The following LAMB1 variants were observed in gnomAD, a reference collection of about 807,000 sequenced individuals.
The protein encoded by LAMB1 is laminin subunit beta 1.
A neutral mutation model predicts 222.3 loss-of-function variants in LAMB1; 121 were observed. The ratio of observed to expected loss-of-function variants is 0.54; its 90% CI spans 0.47 to 0.63. LAMB1 has a LOEUF of 0.63. LAMB1 is among the 30% of genes least tolerant of loss of function. The pLI, the probability that LAMB1 is intolerant of heterozygous loss-of-function variation, is 0.00. For missense variants in LAMB1, 2,172 were observed against 2,240.8 expected (o/e 0.97, Z 0.62); for synonymous variants, 794 against 807.2 (o/e 0.98, Z 0.28).
chr7:107,960,720 G>A (rs964995092), intron 17 of LAMB1, 71 bp from the exon 18 acceptor site: 10 of 1,342,610 alleles, frequency 7.4e-6, no homozygotes, highest in East Asian at 6.9e-5. Context: ...GCAAGCAAAC[G>A]TGTAGAAAAC....
intron 24 of LAMB1, among the ~76,000 whole-genome samples, chr7:107,946,207 ATACTT>A (rs2033112902): frequency 6.6e-6 from 1 of 152,200 alleles, no homozygotes; most frequent in Non-Finnish European, 1.5e-5. Flanking sequence ...AATTTTACTG[ATACTT>A]TACTTAGGCA....
chr7:107,960,357 T>TAG, intron 18 of LAMB1, 88 bp downstream of exon 18: 1 of 913,434 alleles, frequency 1.1e-6, no homozygotes, highest in Non-Finnish European at 1.8e-6. Context: ...AACACAGGGC[T>TAG]AGGGGGTGGG....
chr7:107,958,604 T>C (rs1226881426), intron 20 of LAMB1, among the ~76,000 whole-genome samples: 1 of 152,244 alleles, frequency 6.6e-6, no homozygotes, highest in Admixed American at 6.5e-5. Flanking sequence ...AACAGTACTG[T>C]CTGCATTTCT....
chr7:107,987,852 G>T (rs984600225), intron 5 of LAMB1, among the ~76,000 whole-genome samples: 1 of 152,324 alleles, frequency 6.6e-6, no homozygotes, highest in Non-Finnish European at 1.5e-5. Flanking sequence ...AGTGGGTGGA[G>T]GCGGCTGCAC....
chr7:107,959,855 GA>G, intron 18 of LAMB1, 21 bp from the exon 19 acceptor site: 1 of 1,608,200 alleles, frequency 6.2e-7, no homozygotes, highest in Non-Finnish European at 8.5e-7. Context: ...AGAGAGGCCA[GA>G]ACCCATGACA....
chr7:107,927,844 G>C (rs2116315004), intron 31 of LAMB1, among the ~76,000 whole-genome samples: 1 of 152,288 alleles, frequency 6.6e-6, no homozygotes, highest in East Asian at 1.9e-4. Context: ...TTAACTGACA[G>C]CAATAGAATA....
At chr7:107,966,453 T>C (rs1305896865) in intron 13 of LAMB1, among the ~76,000 whole-genome samples, 1 of 152,048 alleles carries the variant, frequency 6.6e-6, no homozygotes, top group Non-Finnish European at 1.5e-5. Flanking sequence ...TCGTGATCCA[T>C]CTGCTTCGGT....
chr7:107,960,735 A>C, intron 17 of LAMB1, 86 bp from the exon 18 acceptor site: 1 of 1,076,440 alleles, frequency 9.3e-7, no homozygotes. Flanking sequence ...GAAAACCCAA[A>C]TGCTTCTTTG....
chr7:107,986,844 TG>T (rs1159265211), intron 5 of LAMB1, among the ~76,000 whole-genome samples: 1 of 152,248 alleles, frequency 6.6e-6, no homozygotes, highest in Non-Finnish European at 1.5e-5. Flanking sequence ...CAATATGCTA[TG>T]TCAAACACCA....
intron 31 of LAMB1, among the ~76,000 whole-genome samples, chr7:107,928,272 C>G (rs1351275796): frequency 1.3e-5 from 2 of 152,118 alleles, no homozygotes; most frequent in African/African-American, 2.4e-5. Context: ...GATTGTTTAG[C>G]TATAAGTGCT....
chr7:107,986,114 C>G (rs2034072065), intron 6 of LAMB1, 29 bp from the exon 7 acceptor site: 1 of 1,610,216 alleles, frequency 6.2e-7, no homozygotes, highest in Admixed American at 1.7e-5. Flanking sequence ...GTAATTGGTA[C>G]TTCTGCAATA....
intron 5 of LAMB1, among the ~76,000 whole-genome samples, chr7:107,992,709 A>C (rs1391901474): frequency 2.0e-5 from 3 of 152,172 alleles, no homozygotes; most frequent in Admixed American, 6.5e-5. Flanking sequence ...CAGCCTGGCC[A>C]ACATGGTGAA....
Position 107,929,194 on chromosome 7 carries a change from G to A in LAMB1, c.4757C>T (p.Thr1586Ile). 6.2e-7 allele frequency: 1 copy of A among 1,613,902 alleles called. No individual in the cohort carries two copies. Among genetic ancestry groups the A allele is most frequent in the Non-Finnish European group, 8.5e-7 (1 of 1,179,944 alleles). ...CATATCTGCAGTGACTTTAACATCT[G>A]TTGCACTTTTGCTGAGTAAAAAATA... ...EEAKRASKSA[T>I]DVKVTADMVK... The change falls in exon 31 of 34, where the codon ACA (threonine) becomes ATA (isoleucine). Residue 1586 changes from threonine (T) to isoleucine (I), a missense_variant. By Grantham distance (89) the Thr-to-Ile change is moderately conservative. Transcript: ENST00000222399.
Position 107,976,329 on chromosome 7 carries a change from G to C in LAMB1, c.1001-452C>G, listed in dbSNP as rs146243280. On this transcript the variant is annotated intron_variant, in intron 9 of 33. Transcript: ENST00000222399. ...TGCTTCAAGGACCGTGAGGCCTGAA[G>C]GATGGATTCCCTTCTCCGTATTCCC... Among the ~76,000 whole-genome samples, 357 of 152,254 alleles carry C rather than the reference G, an allele frequency of 2.3e-3. 1 individual carries two copies. The highest frequency in any genetic ancestry group is 3.4e-3 in the Middle Eastern group (1 of 294).
At chr7:107,946,073 A>C (rs757931) in intron 24 of LAMB1, among the ~76,000 whole-genome samples, 95,713 of 151,972 alleles carry the variant, frequency 0.63, 32,007 homozygotes, top group East Asian at 0.87. Context: ...TTTTTGTTGG[A>C]AACTTAAATT....
In LAMB1 at chr7:107,961,722, C is replaced by T. The variant is rs148969203; in HGVS notation, c.1858-46G>A. 38 of 1,585,164 alleles carry T rather than the reference C, an allele frequency of 2.4e-5. No individual in the cohort carries two copies. The African/African-American group carries it at 5.1e-4, about 21-fold the overall frequency. On this transcript the variant is annotated intron_variant, in intron 15 of 33. Transcript: ENST00000222399. The stretch of plus-strand genomic sequence containing the variant: ...TGAAAAGATAGTTAGCCCACCACTG[C>T]CTGTTTATAAAAAGACCTCTCTGAA...
intron 14 of LAMB1, among the ~76,000 whole-genome samples, chr7:107,964,077 A>G (rs962258148): frequency 6.6e-6 from 1 of 152,234 alleles, no homozygotes; most frequent in Admixed American, 6.5e-5. Context: ...AGCCTGGGCA[A>G]TAAGAGCGAA....
chr7:107,986,339 T>C lies in LAMB1; in HGVS notation c.448A>G (p.Ile150Val), dbSNP rs746464634. The C allele has an allele frequency of 6.2e-6, 10 of 1,605,352 alleles. No individual in the cohort carries two copies. Among genetic ancestry groups the C allele is most frequent in the African/African-American group, 2.7e-5 (2 of 74,780 alleles). ...TTCCCAAAGTCGGACGATCGTTCTA[T>C]CAGCATAGCAGCTGGACGGAATGTC... ...FKTFRPAAML[I>V]ERSSDFGKTW... Residue 150 changes from isoleucine (I) to valine (V), a missense_variant, in exon 6 of 34, where the codon ATA (isoleucine) becomes GTA (valine). Coordinates refer to ENST00000222399, the MANE Select transcript of LAMB1 (RefSeq NM_002291.3).
chr7:107,931,628 T>A (rs2032713843), intron 28 of LAMB1, 128 bp from the exon 29 acceptor site: 1 of 850,410 alleles, frequency 1.2e-6, no homozygotes, highest in Admixed American at 2.4e-5. Context: ...GGGAAACAAC[T>A]TTCTCCCATT....
Sources: gnomAD v4.1 joint callset for allele counts (sites outside exome capture counted in the v4.1 genomes callset) on GRCh38, gnomAD v4.1.1 for gene constraint, MANE v1.5 for transcripts, NCBI Gene and HGNC (gene_info 2026-07-23, HGNC 2026-07-21) for gene names.